FHIP2A: variants seen among roughly 807,000 people sequenced by gnomAD.
FHIP2A encodes FHF complex subunit HOOK interacting protein 2A.
In FHIP2A, 46 loss-of-function variants were observed where a neutral mutation model predicts 93.5. That is an observed-to-expected ratio of 0.49 (90% confidence interval 0.39 to 0.63). FHIP2A has a LOEUF of 0.63. FHIP2A is among the 20% of genes least tolerant of loss of function. FHIP2A has a pLI of 0.00. For synonymous variants in FHIP2A, 332 were observed against 326.5 expected, an observed-to-expected ratio of 1.02 and a Z score of -0.18; for missense variants, 769 against 909.7, an observed-to-expected ratio of 0.85 and a Z score of 1.99.
At position 114,846,667 on chromosome 10, in the gene FHIP2A, T is replaced by C. The variant is rs1018832138; in HGVS notation, c.1507T>C (p.Tyr503His). 6.2e-7 allele frequency: 1 copy of C among 1,612,104 alleles called. No homozygotes were observed. Among genetic ancestry groups the C allele is most frequent in the Non-Finnish European group, 8.5e-7 (1 of 1,179,446 alleles). The part of the protein sequence containing the change: ...RNLEERNYTE[Y>H]KPLCPEDKDV... ...TCTTGAAGAAAGAAATTATACAGAATATAAACCTTTGTGCCCAGAAGATAA... is the reference window on the plus strand; with the variant it reads ...TCTTGAAGAAAGAAATTATACAGAACATAAACCTTTGTGCCCAGAAGATAA... The change falls in exon 11 of 17, where the codon TAT (tyrosine) becomes CAT (histidine). Residue 503 changes from tyrosine (Y) to histidine (H), a missense_variant. Tyr to His is a moderately conservative substitution (Grantham distance 83). Transcript: ENST00000369248.
exon 17 of FHIP2A, chr10:114,899,777 A>G: frequency 2.3e-6 from 1 of 434,124 alleles, no homozygotes. Context: ...ATTCCACCAC[A>G]AGTATAAAAA....
At chr10:114,853,827 C>G (rs1187040915) in intron 13 of FHIP2A, among the ~76,000 whole-genome samples, 3 of 152,036 alleles carry the variant, frequency 2.0e-5, no homozygotes, top group African/African-American at 7.2e-5. Flanking sequence ...GGTGAAACCC[C>G]ATCTCTACTA....
chr10:114,855,457 T>A, intron 14 of FHIP2A, 117 bp downstream of exon 14: 1 of 882,786 alleles, frequency 1.1e-6, no homozygotes, highest in Non-Finnish European at 1.7e-6. Context: ...CTTTTTCCAC[T>A]GGATGACTTT....
Position 114,862,124 on chromosome 10 carries a change from TAAC to T in FHIP2A, c.*587_*589del, listed in dbSNP as rs2083803897. 1.1e-6 allele frequency: 1 copy of T among 918,884 alleles called. No individual in the cohort carries two copies. Among genetic ancestry groups the T allele is most frequent in the Non-Finnish European group, 1.3e-6 (1 of 769,194 alleles). The allele number at this position is 918,884 out of a possible 1,614,324, so 56.9% of individuals were successfully genotyped here. The stretch of plus-strand genomic sequence containing the variant: ...TAACTTTCTTCAGCTTTTTTAAGAA[TAAC>T]AATTTAATATGATAAATTCTTGATT... On this transcript the variant is annotated 3_prime_UTR_variant, in exon 17 of 17. Transcript: ENST00000369248.
intron 1 of FHIP2A, 139 bp from the exon 2 acceptor site, chr10:114,830,713 T>G: frequency 2.1e-6 from 1 of 470,738 alleles, no homozygotes; most frequent in Non-Finnish European, 3.8e-6. Context: ...TGTTTCTCTT[T>G]AATATCTGAC....
intron 7 of FHIP2A, 105 bp downstream of exon 7, chr10:114,844,042 A>G: frequency 1.3e-6 from 1 of 785,788 alleles, no homozygotes; most frequent in Non-Finnish European, 1.9e-6. Context: ...AAAATTGAAC[A>G]CCACTAGTGA....
chr10:114,882,504 A>G (rs1320211692), intron 16 of FHIP2A, among the ~76,000 whole-genome samples: 1 of 152,194 alleles, frequency 6.6e-6, no homozygotes, highest in Non-Finnish European at 1.5e-5. Context: ...AGTGTTTGAA[A>G]GGCAGATTTT....
chr10:114,846,833 G>A lies in FHIP2A; in HGVS notation c.1568+105G>A, dbSNP rs181519103. ...ATCCTCAAAAGAAATACCTCTTACA[G>A]TTTAAAAGTTCTTAAAAGTAAAATT... On this transcript the variant is annotated intron_variant, in intron 11 of 16. Transcript: ENST00000369248. 7.3e-5 allele frequency: 81 copies of A among 1,109,852 alleles called. No individual in the cohort carries two copies. The African/African-American group carries it at 1.3e-3, about 17-fold the overall frequency. The allele number at this position is 1,109,852 out of a possible 1,614,324, so 68.8% of individuals were successfully genotyped here.
At chr10:114,869,177 A>C (rs2083845167), downstream of FHIP2A, among the ~76,000 whole-genome samples, 1 of 152,138 alleles carries the variant, frequency 6.6e-6, no homozygotes, top group Non-Finnish European at 1.5e-5. Context: ...TCATTTATAT[A>C]ATAACATGAG....
intron 16 of FHIP2A, among the ~76,000 whole-genome samples, chr10:114,872,930 A>C (rs2083866657): frequency 6.6e-6 from 1 of 152,232 alleles, no homozygotes; most frequent in South Asian, 2.1e-4. Flanking sequence ...AACAGAAACC[A>C]CACAAGGTAC....
At chr10:114,848,948 G>A (rs2083718267) in intron 13 of FHIP2A, among the ~76,000 whole-genome samples, 2 of 151,774 alleles carry the variant, frequency 1.3e-5, no homozygotes, top group South Asian at 4.2e-4. Context: ...TTCGAGACCA[G>A]CCTGGCCAAC....
At chr10:114,838,162 C>T (rs959592425) in intron 5 of FHIP2A, among the ~76,000 whole-genome samples, 4 of 152,162 alleles carry the variant, frequency 2.6e-5, no homozygotes, top group African/African-American at 4.8e-5. Context: ...TCCGTGTTGT[C>T]GTCAGCACTG....
At chr10:114,871,204 G>C (rs2083858369) in intron 16 of FHIP2A, among the ~76,000 whole-genome samples, 3 of 151,756 alleles carry the variant, frequency 2.0e-5, no homozygotes, top group Non-Finnish European at 4.4e-5. Context: ...CCAGGCTGGA[G>C]TGCAGTGGAA....
intron 16 of FHIP2A, among the ~76,000 whole-genome samples, chr10:114,896,644 T>G (rs1052432799): frequency 3.3e-5 from 5 of 152,206 alleles, no homozygotes; most frequent in Non-Finnish European, 5.9e-5. Flanking sequence ...CCTCCCCGCT[T>G]CCTGCCTTTG....
intron 16 of FHIP2A, among the ~76,000 whole-genome samples, chr10:114,884,454 C>G (rs1045449679): frequency 4.6e-5 from 7 of 152,198 alleles, no homozygotes; most frequent in Non-Finnish European, 8.8e-5. Flanking sequence ...CTTAAATTCT[C>G]TGAACCTCTT....
At chr10:114,825,647 A>T (rs1301749173) in intron 1 of FHIP2A, among the ~76,000 whole-genome samples, 1 of 152,226 alleles carries the variant, frequency 6.6e-6, no homozygotes, top group African/African-American at 2.4e-5. Flanking sequence ...TTATGAAATG[A>T]ATCTGTTAGC....
intron 1 of FHIP2A, among the ~76,000 whole-genome samples, chr10:114,830,463 G>T (rs779392916): frequency 6.6e-6 from 1 of 151,668 alleles, no homozygotes; most frequent in Admixed American, 6.6e-5. Context: ...AGTAGAGATG[G>T]GGTTTCACCA....
chr10:114,877,602 A>G (rs1305712490), intron 16 of FHIP2A, among the ~76,000 whole-genome samples: 2 of 152,162 alleles, frequency 1.3e-5, no homozygotes, highest in Non-Finnish European at 2.9e-5. Flanking sequence ...GAATTTGTAT[A>G]TTTTTAAAGC....
intron 5 of FHIP2A, among the ~76,000 whole-genome samples, chr10:114,837,640 C>A (rs1275961992): frequency 1.3e-5 from 2 of 152,140 alleles, no homozygotes; most frequent in Non-Finnish European, 2.9e-5. Flanking sequence ...AGTTGTGTTA[C>A]CACCACAATC....
Sources: allele counts gnomAD v4.1 joint callset (sites outside exome capture counted in the v4.1 genomes callset), GRCh38; gene constraint gnomAD v4.1.1; transcripts MANE v1.5; gene names NCBI Gene and HGNC (gene_info 2026-07-23, HGNC 2026-07-21).